OPCML: variants seen among roughly 807,000 people sequenced by gnomAD.
OPCML encodes opioid-binding protein/cell adhesion molecule.
A neutral mutation model predicts 37.8 loss-of-function variants in OPCML; 13 were observed. The observed-to-expected ratio is 0.34, with a 90% CI of 0.22 to 0.55. The LOEUF (loss-of-function observed/expected upper bound fraction) is 0.55. OPCML is among the 20% of genes least tolerant of loss of function. The pLI is 0.91. For synonymous variants in OPCML, 176 were observed against 168.8 expected (o/e 1.04, Z -0.33); for missense variants, 341 against 435.6 (o/e 0.78, Z 1.93).
chr11:132,822,689 A>G (rs1940066994), intron 2 of OPCML, among the ~76,000 whole-genome samples: 1 of 152,164 alleles, frequency 6.6e-6, no homozygotes, highest in Non-Finnish European at 1.5e-5. Flanking sequence ...TTTCCTTAAC[A>G]TTACTTGTGA....
In OPCML at chr11:133,206,224, G is replaced by T. The variant is rs1939056775; in HGVS notation, c.62-263214C>A. 6.6e-6 allele frequency among the ~76,000 whole-genome samples: 1 copy of T among 152,200 alleles called. No homozygotes were observed. The highest frequency in any genetic ancestry group is 6.5e-5 in the Admixed American group (1 of 15,276). Reference sequence around the variant, plus strand: ...CGTCATCAATGCTCAATGAATGCGAGCAGTACATTAAAGATCAGCAGTACA... The same window carrying T: ...CGTCATCAATGCTCAATGAATGCGATCAGTACATTAAAGATCAGCAGTACA... On this transcript the variant is annotated intron_variant, in intron 1 of 7. Transcript: ENST00000524381. This position sits in a 1 kb window ranked among gnomAD's most constrained non-coding sequence, Gnocchi z 4.7.
intron 1 of OPCML, among the ~76,000 whole-genome samples, chr11:133,196,437 CT>C (rs1425492034): frequency 1.3e-5 from 2 of 152,196 alleles, no homozygotes; most frequent in Non-Finnish European, 2.9e-5. Flanking sequence ...ACATATTCAT[CT>C]TTTCAAAAGT....
At chr11:132,985,390 T>C (rs1480514664) in intron 1 of OPCML, among the ~76,000 whole-genome samples, 2 of 152,200 alleles carry the variant, frequency 1.3e-5, no homozygotes, top group African/African-American at 4.8e-5. Context: ...ATTTTCTTAC[T>C]GGTTGTTAGT....
intron 3 of OPCML, among the ~76,000 whole-genome samples, chr11:132,611,137 T>C (rs1042864305): frequency 1.3e-5 from 2 of 152,236 alleles, no homozygotes; most frequent in Admixed American, 6.5e-5. Context: ...CGTATAAAGT[T>C]TGAAGCTGGC....
At chr11:133,346,803 C>A (rs1277976493) in intron 1 of OPCML, among the ~76,000 whole-genome samples, 1 of 152,194 alleles carries the variant, frequency 6.6e-6, no homozygotes, top group South Asian at 2.1e-4. Context: ...AACTTCTGGA[C>A]TAGATGTTAG....
At chr11:132,971,326 A>G (rs1387143583) in intron 1 of OPCML, among the ~76,000 whole-genome samples, 1 of 152,158 alleles carries the variant, frequency 6.6e-6, no homozygotes, top group Non-Finnish European at 1.5e-5. Flanking sequence ...CTTTTCTTCT[A>G]TTGATTTTTG....
At chr11:133,158,192 G>A (rs1950089720) in intron 1 of OPCML, among the ~76,000 whole-genome samples, 1 of 152,176 alleles carries the variant, frequency 6.6e-6, no homozygotes, top group Admixed American at 6.5e-5. Flanking sequence ...TACGCACTCA[G>A]TTCTAGAAGG....
At chr11:132,666,414 C>A (rs1040700974) in intron 2 of OPCML, among the ~76,000 whole-genome samples, 36 of 150,998 alleles carry the variant, frequency 2.4e-4, no homozygotes, top group African/African-American at 8.4e-4. Context: ...CAGGAGGGCA[C>A]CATATCATTC....
chr11:133,356,009 G>C (rs770031886), intron 1 of OPCML, among the ~76,000 whole-genome samples: 25 of 152,256 alleles, frequency 1.6e-4, no homozygotes, highest in Non-Finnish European at 2.1e-4. Context: ...AGCAAGTAGA[G>C]AAAAATCTCT....
intron 1 of OPCML, among the ~76,000 whole-genome samples, chr11:133,382,745 C>G (rs1035796180): frequency 1.3e-5 from 2 of 152,184 alleles, no homozygotes; most frequent in African/African-American, 4.8e-5. Flanking sequence ...TCCCATCTAT[C>G]TCCCACCGAT....
chr11:133,006,885 A>T lies in OPCML; in HGVS notation c.62-63875T>A, dbSNP rs946114942. The T allele has an allele frequency of 4.1e-6, 4 of 985,464 alleles. No individual in the cohort carries two copies. In the East Asian group the frequency reaches 3.4e-4, roughly 84 times the overall value. 61.0% of individuals were successfully genotyped at this position (985,464 alleles called of 1,614,324 possible). A position where few individuals can be genotyped will look rare whatever the true frequency, so the allele number is the denominator to read the frequency against. ...TATCAGAATGCAGTAGGCTCATGCT[A>T]TACCTGTCATGGGGCCACCTAGGCT... On this transcript the variant is annotated intron_variant, in intron 1 of 7. Transcript: ENST00000524381.
At chr11:132,432,104 T>C (rs960641827) in intron 7 of OPCML, among the ~76,000 whole-genome samples, 3 of 152,170 alleles carry the variant, frequency 2.0e-5, no homozygotes, top group African/African-American at 7.2e-5. Flanking sequence ...AATGGGAGTA[T>C]ATAGCCTCAA....
intron 3 of OPCML, among the ~76,000 whole-genome samples, chr11:132,570,804 TAGAG>T (rs1203341702): frequency 2.2e-5 from 2 of 90,762 alleles, no homozygotes; most frequent in Admixed American, 1.0e-4. Flanking sequence ...TATATATATT[TAGAG>T]AGAGAGAGAG....
intron 1 of OPCML, among the ~76,000 whole-genome samples, chr11:133,355,157 A>G (rs1944254361): frequency 6.6e-6 from 1 of 152,226 alleles, no homozygotes; most frequent in African/African-American, 2.4e-5. Flanking sequence ...AGTTCTACAA[A>G]TTTGAAGTCG....
chr11:133,197,324 T>A (rs1320720063), intron 1 of OPCML, among the ~76,000 whole-genome samples: 1 of 152,222 alleles, frequency 6.6e-6, no homozygotes, highest in East Asian at 1.9e-4. Flanking sequence ...CATTGTCCTT[T>A]ATCTAAGAAA....
chr11:132,921,599 C>T (rs994572544), intron 2 of OPCML, among the ~76,000 whole-genome samples: 1 of 152,226 alleles, frequency 6.6e-6, no homozygotes, highest in Admixed American at 6.5e-5. Flanking sequence ...AGGACCCTAG[C>T]TCCTCCAGCT....
In OPCML at chr11:132,420,189, C is replaced by T. The variant is rs779449363; in HGVS notation, c.*4G>A. The T allele has an allele frequency of 1.2e-6, 2 of 1,613,814 alleles. No individual in the cohort carries two copies. The highest frequency in any genetic ancestry group is 8.5e-7 in the Non-Finnish European group (1 of 1,179,782). ...GCGTTGCTCAGAGGACCTAGGATTT[C>T]TTATCAAAACTTGATGAAGAAGTGG... On this transcript the variant is annotated 3_prime_UTR_variant, in exon 8 of 8. Transcript: ENST00000524381.
chr11:133,356,005 T>C (rs1944280873), intron 1 of OPCML, among the ~76,000 whole-genome samples: 1 of 152,132 alleles, frequency 6.6e-6, no homozygotes, highest in African/African-American at 2.4e-5. Flanking sequence ...TTCCAGCAAG[T>C]AGAGAAAAAT....
At chr11:132,972,645 C>A (rs909618360) in intron 1 of OPCML, among the ~76,000 whole-genome samples, 5 of 152,164 alleles carry the variant, frequency 3.3e-5, no homozygotes, top group Non-Finnish European at 5.9e-5. Flanking sequence ...TTTAATGTCT[C>A]TTTCCTCCAT....
Sources: gnomAD v4.1 joint callset for allele counts (sites outside exome capture counted in the v4.1 genomes callset) on GRCh38, gnomAD v4.1.1 for gene constraint, Gnocchi (gnomAD v3.1) non-coding constraint, MANE v1.5 for transcripts, NCBI Gene and HGNC (gene_info 2026-07-23, HGNC 2026-07-21) for gene names.